Variants in CNTNAP5 observed in about 807,000 individuals in gnomAD.
CNTNAP5 encodes the protein contactin associated protein family member 5.
A neutral mutation model predicts 150.2 loss-of-function variants in CNTNAP5; 72 were observed. The ratio of observed to expected loss-of-function variants is 0.48; its 90% CI spans 0.40 to 0.58. The LOEUF is 0.58. CNTNAP5 is among the 20% of genes least tolerant of loss of function. The pLI is 0.00. For synonymous variants in CNTNAP5, 672 were observed against 619.8 expected, an observed-to-expected ratio of 1.08 and a Z score of -1.25; for missense variants, 1,636 against 1,626.2, an observed-to-expected ratio of 1.01 and a Z score of -0.10.
intron 1 of CNTNAP5, among the ~76,000 whole-genome samples, chr2:124,217,208 C>G (rs536065094): frequency 6.6e-6 from 1 of 151,424 alleles, no homozygotes; most frequent in Non-Finnish European, 1.5e-5. Flanking sequence ...ATGAGAGAAG[C>G]CTTTTAGTCT....
chr2:124,251,004 A>T (rs981309216), intron 3 of CNTNAP5, among the ~76,000 whole-genome samples: 2 of 152,136 alleles, frequency 1.3e-5, no homozygotes, highest in African/African-American at 4.8e-5. Context: ...AGGCTAATAA[A>T]AGTAGAGAGT....
intron 3 of CNTNAP5, among the ~76,000 whole-genome samples, chr2:124,325,163 C>T (rs947680246): frequency 6.6e-6 from 1 of 152,072 alleles, no homozygotes; most frequent in African/African-American, 2.4e-5. Context: ...AAAGAAACCT[C>T]GGAGAGCTGC....
intron 1 of CNTNAP5, among the ~76,000 whole-genome samples, chr2:124,054,309 T>G (rs1328348852): frequency 6.6e-6 from 1 of 152,198 alleles, no homozygotes; most frequent in Non-Finnish European, 1.5e-5. Context: ...GGGAAAATGC[T>G]TATGGCTTTT....
intron 3 of CNTNAP5, among the ~76,000 whole-genome samples, chr2:124,402,521 C>T (rs1427109662): frequency 1.3e-5 from 2 of 152,140 alleles, no homozygotes; most frequent in African/African-American, 2.4e-5. Flanking sequence ...ACTGGAATGC[C>T]AGCTTTTCTC....
chr2:124,718,957 A>G (rs1558749343), intron 13 of CNTNAP5, among the ~76,000 whole-genome samples: 1 of 151,394 alleles, frequency 6.6e-6, no homozygotes, highest in East Asian at 2.0e-4. Context: ...AAAAAAAAAA[A>G]GAACGGGAAA....
intron 1 of CNTNAP5, among the ~76,000 whole-genome samples, chr2:124,180,402 T>G (rs1235923449): frequency 6.6e-6 from 1 of 152,206 alleles, no homozygotes; most frequent in South Asian, 2.1e-4. Context: ...GTTAATATTT[T>G]ATCAATATTT....
chr2:124,063,494 C>T (rs1682067794), intron 1 of CNTNAP5, among the ~76,000 whole-genome samples: 2 of 152,084 alleles, frequency 1.3e-5, no homozygotes, highest in African/African-American at 4.8e-5. Context: ...AGGTCTGGTT[C>T]TTGTTCTTAC....
intron 22 of CNTNAP5, among the ~76,000 whole-genome samples, chr2:124,910,767 A>G (rs1678638261): frequency 6.6e-6 from 1 of 152,070 alleles, no homozygotes; most frequent in Non-Finnish European, 1.5e-5. Flanking sequence ...TAATAATCAT[A>G]GTGGCTACTT....
At chr2:124,349,899 T>TTTTTTTTTG (rs1553460408) in intron 3 of CNTNAP5, among the ~76,000 whole-genome samples, 1 of 115,294 alleles carries the variant, frequency 8.7e-6, no homozygotes, top group Non-Finnish European at 1.8e-5. Flanking sequence ...TTTTTTTTTT[T>TTTTTTTTTG]TTTGAGACAG....
At position 124,625,428 on chromosome 2, in the gene CNTNAP5, A is replaced by G. The variant is rs150248456; in HGVS notation, c.1876+15508A>G. On this transcript the variant is annotated intron_variant, in intron 12 of 23. Coordinates refer to ENST00000682447, the MANE Select transcript of CNTNAP5 (RefSeq NM_001367498.1). ...GCAATGTTTATTCAGTAGGTATAGC[A>G]TAGTATACTTACTACAGTATACATA... Among the ~76,000 whole-genome samples, 805 of 150,588 alleles carry G rather than the reference A, an allele frequency of 5.3e-3. 2 individuals carry two copies. The highest frequency in any genetic ancestry group is 6.6e-3 in the South Asian group (32 of 4,828).
At chr2:124,235,310 T>C (rs965675628) in intron 2 of CNTNAP5, among the ~76,000 whole-genome samples, 1 of 152,094 alleles carries the variant, frequency 6.6e-6, no homozygotes, top group African/African-American at 2.4e-5. Context: ...AGTTGTCATC[T>C]AGCACTCACA....
intron 17 of CNTNAP5, among the ~76,000 whole-genome samples, chr2:124,773,333 A>C (rs1055358753): frequency 6.6e-6 from 1 of 152,182 alleles, no homozygotes; most frequent in African/African-American, 2.4e-5. Context: ...TCCAAGGGAC[A>C]GGACATGTCA....
rs556783062 is a variant in CNTNAP5 at position 124,883,836 on chromosome 2, A to G, written c.3436+14074A>G. 7.9e-5 allele frequency among the ~76,000 whole-genome samples: 12 copies of G among 152,174 alleles called. No individual in the cohort carries two copies. The South Asian group carries it at 2.5e-3, about 32-fold the overall frequency. On this transcript the variant is annotated intron_variant, in intron 21 of 23. Coordinates refer to ENST00000682447, the MANE Select transcript of CNTNAP5 (RefSeq NM_001367498.1). ...TGTGTGCTATAACTGTATTGTATATATGTATATCTGGATATCTATGTTTCT... is the reference window on the plus strand; with the variant it reads ...TGTGTGCTATAACTGTATTGTATATGTGTATATCTGGATATCTATGTTTCT...
chr2:124,604,222 C>T (rs1228788049), intron 11 of CNTNAP5, among the ~76,000 whole-genome samples: 1 of 152,040 alleles, frequency 6.6e-6, no homozygotes, highest in Non-Finnish European at 1.5e-5. Flanking sequence ...TATCTGTTTG[C>T]ATTTTATATT....
chr2:124,902,729 G>C (rs190634422), intron 21 of CNTNAP5, among the ~76,000 whole-genome samples, 153 bp from the exon 22 acceptor site: 2 of 152,064 alleles, frequency 1.3e-5, no homozygotes, highest in Admixed American at 6.5e-5. Flanking sequence ...GTGGGGAAAG[G>C]AGATAAAGAG....
At chr2:124,815,618 C>G (rs1469044939) in intron 19 of CNTNAP5, among the ~76,000 whole-genome samples, 1 of 152,178 alleles carries the variant, frequency 6.6e-6, no homozygotes, top group Non-Finnish European at 1.5e-5. Context: ...CTACATTGCA[C>G]CCTGGTTGGC....
intron 1 of CNTNAP5, among the ~76,000 whole-genome samples, chr2:124,029,787 CT>C (rs1473549227): frequency 1.3e-5 from 2 of 152,060 alleles, no homozygotes; most frequent in African/African-American, 2.4e-5. Flanking sequence ...TGAAATGCCC[CT>C]GAAACCTTCA....
chr2:124,770,186 T>C (rs1458709582), intron 16 of CNTNAP5, among the ~76,000 whole-genome samples: 1 of 152,166 alleles, frequency 6.6e-6, no homozygotes, highest in Admixed American at 6.6e-5. Context: ...GTAATGATGT[T>C]TCAGTGAATA....
chr2:124,128,066 T>C (rs1258199757), intron 1 of CNTNAP5, among the ~76,000 whole-genome samples: 2 of 152,164 alleles, frequency 1.3e-5, no homozygotes, highest in East Asian at 3.9e-4. Context: ...AAATGGGATC[T>C]AATTAAACTA....
Sources: gnomAD v4.1 joint callset for allele counts (sites outside exome capture counted in the v4.1 genomes callset) on GRCh38, gnomAD v4.1.1 for gene constraint, MANE v1.5 for transcripts, NCBI Gene and HGNC (gene_info 2026-07-23, HGNC 2026-07-21) for gene names.